The following FMN2 variants were observed in gnomAD, a reference collection of about 807,000 sequenced individuals.
The protein encoded by FMN2 is formin-2.
Under a neutral mutation model 142.3 loss-of-function variants are expected in FMN2, and 51 were observed. That is an observed-to-expected ratio of 0.36 (90% CI 0.29 to 0.45). The LOEUF (loss-of-function observed/expected upper bound fraction) is 0.45. FMN2 is among the 20% of genes least tolerant of loss of function. The pLI, the probability that FMN2 is intolerant of heterozygous loss-of-function variation, is 1.00. For missense variants in FMN2, 1,936 were observed against 2,122.8 expected, an observed-to-expected ratio of 0.91 and a Z score of 1.73; for synonymous variants, 882 against 869.8, an observed-to-expected ratio of 1.01 and a Z score of -0.25.
intron 8 of FMN2, among the ~76,000 whole-genome samples, chr1:240,306,781 G>T (rs925060480): frequency 2.0e-5 from 3 of 152,196 alleles, no homozygotes; most frequent in African/African-American, 7.2e-5. Context: ...GGGATTGCTG[G>T]ATTGAATGGT....
intron 7 of FMN2, among the ~76,000 whole-genome samples, chr1:240,280,572 T>C (rs950298392): frequency 7.9e-5 from 12 of 152,144 alleles, no homozygotes; most frequent in Admixed American, 7.9e-4. Flanking sequence ...AGCCCTCTTT[T>C]ACAAGAGCAT....
At chr1:240,144,852 C>G in intron 2 of FMN2, 1 of 1,438,214 alleles carries the variant, frequency 7.0e-7, no homozygotes, top group Admixed American at 1.7e-5. Context: ...TTCTTTGCAT[C>G]ATCCAGCTCC....
At chr1:240,109,358 A>G (rs1389387638) in intron 1 of FMN2, among the ~76,000 whole-genome samples, 2 of 152,228 alleles carry the variant, frequency 1.3e-5, no homozygotes, top group Non-Finnish European at 2.9e-5. Flanking sequence ...GATCGTCCTC[A>G]TGACAATGAT....
chr1:240,160,466 A>G (rs944227764), intron 2 of FMN2, among the ~76,000 whole-genome samples: 1 of 149,296 alleles, frequency 6.7e-6, no homozygotes, highest in Non-Finnish European at 1.5e-5. Context: ...GTATGTATAT[A>G]TACATTATAT....
intron 15 of FMN2, among the ~76,000 whole-genome samples, chr1:240,433,217 G>C (rs1033520744): frequency 3.3e-5 from 5 of 152,040 alleles, no homozygotes; most frequent in Non-Finnish European, 5.9e-5. Context: ...ATAACACCCT[G>C]GTTATGTTCT....
chr1:240,395,163 C>T (rs115990950), intron 15 of FMN2, among the ~76,000 whole-genome samples: 3,232 of 152,144 alleles, frequency 0.021, 117 homozygotes, highest in African/African-American at 0.073. Flanking sequence ...ACAAAGCCTG[C>T]ACATCTGTTT....
intron 3 of FMN2, among the ~76,000 whole-genome samples, chr1:240,183,140 A>C (rs1665223030): frequency 1.3e-5 from 2 of 150,282 alleles, no homozygotes; most frequent in Non-Finnish European, 3.0e-5. Context: ...CTGGTGTTGA[A>C]CTCTGGGCTT....
rs534900132 is a variant in FMN2 at position 240,250,428 on chromosome 1, G to A, written c.4066-7517G>A. On this transcript the variant is annotated intron_variant, in intron 6 of 17. Coordinates refer to ENST00000319653, the MANE Select transcript of FMN2 (RefSeq NM_020066.5). ...TATGTACAACCATTTTTGCATCCCTGGGATAAATCCCACTTGATTATGGTA... is the reference window on the plus strand; with the variant it reads ...TATGTACAACCATTTTTGCATCCCTAGGATAAATCCCACTTGATTATGGTA... 2.0e-5 allele frequency among the ~76,000 whole-genome samples: 3 copies of A among 152,228 alleles called. No homozygotes were observed. The South Asian group carries it at 6.2e-4, about 32-fold the overall frequency.
intron 2 of FMN2, among the ~76,000 whole-genome samples, chr1:240,127,306 C>G (rs1468555882): frequency 1.1e-4 from 16 of 151,792 alleles, no homozygotes. Flanking sequence ...CTCCTGACCT[C>G]CAGTGATCTG....
intron 16 of FMN2, among the ~76,000 whole-genome samples, chr1:240,456,609 A>G (rs1377897916): frequency 6.6e-6 from 1 of 152,206 alleles, no homozygotes; most frequent in Non-Finnish European, 1.5e-5. Context: ...GGCATGCGCC[A>G]CCATGCCCGG....
chr1:240,352,524 T>C (rs1362551405), intron 13 of FMN2, among the ~76,000 whole-genome samples: 1 of 152,064 alleles, frequency 6.6e-6, no homozygotes, highest in Non-Finnish European at 1.5e-5. Context: ...GAGGTTGCAG[T>C]GAGTCAAGAT....
chr1:240,240,474 TA>T (rs1332594946), intron 6 of FMN2, among the ~76,000 whole-genome samples: 1 of 152,230 alleles, frequency 6.6e-6, no homozygotes, highest in Non-Finnish European at 1.5e-5. Context: ...TGGTTGTCAT[TA>T]ACCTTATTAT....
At chr1:240,100,000 G>C (rs1173678810) in intron 1 of FMN2, among the ~76,000 whole-genome samples, 1 of 152,136 alleles carries the variant, frequency 6.6e-6, no homozygotes, top group Non-Finnish European at 1.5e-5. Context: ...CTGAGGTCTT[G>C]ATGAATACTT....
At chr1:240,114,620 G>C (rs1211815843) in intron 1 of FMN2, among the ~76,000 whole-genome samples, 1 of 151,464 alleles carries the variant, frequency 6.6e-6, no homozygotes, top group Non-Finnish European at 1.5e-5. Flanking sequence ...ATTTCATTAG[G>C]GATTGCAAAA....
intron 14 of FMN2, among the ~76,000 whole-genome samples, chr1:240,362,390 T>C (rs1211684870): frequency 2.6e-5 from 4 of 152,214 alleles, no homozygotes; most frequent in Admixed American, 6.5e-5. Context: ...ATTTACAATT[T>C]GGTGTTAAAT....
chr1:240,385,524 T>A (rs1667715524), intron 14 of FMN2, among the ~76,000 whole-genome samples: 1 of 152,170 alleles, frequency 6.6e-6, no homozygotes, highest in Non-Finnish European at 1.5e-5. Flanking sequence ...TGGGTATGAT[T>A]TGATATAAAA....
chr1:240,406,926 G>A (rs77607393), intron 15 of FMN2, among the ~76,000 whole-genome samples: 1 of 152,166 alleles, frequency 6.6e-6, no homozygotes, highest in Non-Finnish European at 1.5e-5. Flanking sequence ...GGAGTATATT[G>A]AGTGAACTTG....
chr1:240,141,644 A>G (rs1663189125), intron 2 of FMN2, among the ~76,000 whole-genome samples: 1 of 152,202 alleles, frequency 6.6e-6, no homozygotes, highest in Non-Finnish European at 1.5e-5. Flanking sequence ...TGCTGGGATT[A>G]CAGGCGTGAG....
rs1278480609 is a variant in FMN2, at chr1:240,125,682, T to A, written c.1782+2337T>A. Among the ~76,000 whole-genome samples, 18 of 152,228 alleles carry A rather than the reference T, an allele frequency of 1.2e-4. 1 individual carries two copies. Among genetic ancestry groups the A allele is most frequent in the Admixed American group, 1.2e-3 (18 of 15,288 alleles). ...TCTTGCCAGTCGATAAATGTAGAAT[T>A]GGATAAACAGAAAAGAATAGGGTAA... On this transcript the variant is annotated intron_variant, in intron 2 of 17. Transcript: ENST00000319653.
Sources: allele counts gnomAD v4.1 joint callset (sites outside exome capture counted in the v4.1 genomes callset), GRCh38; gene constraint gnomAD v4.1.1; transcripts MANE v1.5; gene names NCBI Gene and HGNC (gene_info 2026-07-23, HGNC 2026-07-21).